The following PTPRN2 variants were observed in gnomAD, a reference collection of about 807,000 sequenced individuals.
The protein encoded by PTPRN2 is receptor-type tyrosine-protein phosphatase N2.
In PTPRN2, 74 loss-of-function variants were observed where a neutral mutation model predicts 118.8. The observed-to-expected ratio is 0.62, with a 90% CI of 0.52 to 0.76. The LOEUF is 0.76. Among genes scored for constraint, PTPRN2 ranks in the 30% least tolerant of loss-of-function variants. The pLI, the probability that PTPRN2 is intolerant of heterozygous loss-of-function variation, is 0.00. For missense variants in PTPRN2, 1,481 were observed against 1,394.4 expected (o/e 1.06, Z -0.99); for synonymous variants, 641 against 608.0 (o/e 1.05, Z -0.80).
rs1010379991 is a variant in PTPRN2 at position 157,540,688 on chromosome 7, T to TCCCCTGAGG, written c.*17_*25dup. ...CTGACAACATCCGTGGGGTGGGGGC[T>TCCCCTGAGG]CCCCTGAGGCCCCTGAGGCTGCCGC... On this transcript the variant is annotated 3_prime_UTR_variant, in exon 23 of 23. Coordinates refer to ENST00000389418, the MANE Select transcript of PTPRN2 (RefSeq NM_002847.5). The TCCCCTGAGG allele has an allele frequency of 8.6e-6, 13 of 1,508,890 alleles. No homozygotes were observed. The highest frequency in any genetic ancestry group is 6.0e-5 in the South Asian group (5 of 82,904). The allele number at this position is 1,508,890 out of a possible 1,614,324, so 93.5% of individuals were successfully genotyped here. A position where few individuals can be genotyped will look rare whatever the true frequency, so the allele number is the denominator to read the frequency against.
At chr7:157,846,606 T>C (rs1290789957) in intron 12 of PTPRN2, among the ~76,000 whole-genome samples, 1 of 152,244 alleles carries the variant, frequency 6.6e-6, no homozygotes, top group African/African-American at 2.4e-5. Flanking sequence ...AATCGTGTCA[T>C]GGATCATCAT....
In PTPRN2 at chr7:158,316,884, C is replaced by A; in HGVS notation, c.212G>T (p.Arg71Leu). Residue 71 changes from arginine to leucine, a missense_variant, in exon 3 of 23, where the codon CGC (arginine) becomes CTC (leucine). This residue lies in a region of PTPRN2 where 1,115 missense variants were observed against 994.2 expected (regional missense o/e 1.12). Coordinates refer to ENST00000389418, the MANE Select transcript of PTPRN2 (RefSeq NM_002847.5). ...CAGGGCCACGGGCGACACCTCGTAG[C>A]GGTAAAAGTCCATTGCCGGAACCTT... The part of the protein sequence containing the change: ...CQKVPAMDFY[R>L]YEVSPVALQR... 1 of 1,612,578 alleles carries A rather than the reference C, an allele frequency of 6.2e-7. No homozygotes were observed. Among genetic ancestry groups the A allele is most frequent in the East Asian group, 2.2e-5 (1 of 44,878 alleles).
At chr7:157,870,975 C>T (rs1393211639) in intron 12 of PTPRN2, among the ~76,000 whole-genome samples, 1 of 152,230 alleles carries the variant, frequency 6.6e-6, no homozygotes, top group Non-Finnish European at 1.5e-5. Flanking sequence ...ATTGGATGGC[C>T]TGGCTCAGAG....
chr7:158,498,319 T>C (rs996979991), intron 1 of PTPRN2, among the ~76,000 whole-genome samples: 1 of 152,246 alleles, frequency 6.6e-6, no homozygotes, highest in Admixed American at 6.5e-5. Context: ...CTTTGATTAA[T>C]TTCCTTATTT....
At chr7:157,754,276 C>T (rs1038038676) in intron 12 of PTPRN2, among the ~76,000 whole-genome samples, 14 of 152,228 alleles carry the variant, frequency 9.2e-5, no homozygotes, top group Admixed American at 7.9e-4. Context: ...TGTGGACTCA[C>T]GAGCCGTCAG....
chr7:157,572,875 G>A (rs769669161), intron 19 of PTPRN2, among the ~76,000 whole-genome samples: 2 of 152,260 alleles, frequency 1.3e-5, no homozygotes, highest in South Asian at 2.1e-4. Context: ...CTCCAGGGCC[G>A]TGTCACCGTT....
Position 157,789,551 on chromosome 7 carries a change from C to T in PTPRN2, c.1789-106614G>A, listed in dbSNP as rs373839436. Among the ~76,000 whole-genome samples, 10 of 152,346 alleles carry T rather than the reference C, an allele frequency of 6.6e-5. No homozygotes were observed. In the Middle Eastern group the frequency reaches 0.01, roughly 155 times the overall value. ...TCTCTTCAAAAGTGTTACCTGACAA[C>T]AAGGGAATTCAGCCACACACCAGGT... On this transcript the variant is annotated intron_variant, in intron 12 of 22. Coordinates refer to ENST00000389418, the MANE Select transcript of PTPRN2 (RefSeq NM_002847.5).
chr7:157,833,447 G>A (rs978836736), intron 12 of PTPRN2, among the ~76,000 whole-genome samples: 3 of 149,066 alleles, frequency 2.0e-5, no homozygotes, highest in South Asian at 2.1e-4. Flanking sequence ...GGAGCGAGAT[G>A]TGGCCGGTGC....
Position 158,557,152 on chromosome 7 carries a change from G to A in PTPRN2, c.112+30406C>T, listed in dbSNP as rs1325144788. On this transcript the variant is annotated intron_variant, in intron 1 of 22. Coordinates refer to ENST00000389418, the MANE Select transcript of PTPRN2 (RefSeq NM_002847.5). ...GGGCAGGCGGCTCCCGGGCAGGGCAGGCGGCTCCCACGCAGGTCAGGCGGC... is the reference window on the plus strand; with the variant it reads ...GGGCAGGCGGCTCCCGGGCAGGGCAAGCGGCTCCCACGCAGGTCAGGCGGC... Among the ~76,000 whole-genome samples the A allele has an allele frequency of 6.3e-4, 90 of 143,828 alleles. 1 individual carries two copies. The highest frequency in any genetic ancestry group is 1.4e-4 in the Non-Finnish European group (9 of 66,196). The allele number at this position is 143,828 out of a possible 152,430, so 94.4% of individuals were successfully genotyped here. A position where few individuals can be genotyped will look rare whatever the true frequency, so the allele number is the denominator to read the frequency against.
intron 2 of PTPRN2, among the ~76,000 whole-genome samples, chr7:158,489,523 C>T (rs1563351318): frequency 1.3e-5 from 2 of 152,204 alleles, no homozygotes; most frequent in Admixed American, 1.3e-4. Context: ...AGGGTTGGTG[C>T]GAGCGATGGG....
intron 12 of PTPRN2, among the ~76,000 whole-genome samples, chr7:157,872,454 C>A (rs545429558): frequency 2.7e-4 from 40 of 149,448 alleles, no homozygotes; most frequent in Non-Finnish European, 5.5e-4. Context: ...CCTCCCCACA[C>A]ACGCATATCC....
intron 12 of PTPRN2, among the ~76,000 whole-genome samples, chr7:157,850,786 G>A (rs990745895): frequency 2.6e-4 from 40 of 152,336 alleles, no homozygotes; most frequent in African/African-American, 7.9e-4. Flanking sequence ...AAGCGGCCAC[G>A]GTAGAGTTGA....
rs148436362 is a variant in PTPRN2 at position 158,275,404 on chromosome 7, C to T, written c.277+41415G>A. Among the ~76,000 whole-genome samples the T allele has an allele frequency of 6.4e-3, 971 of 152,214 alleles. 9 individuals are homozygous for T. The highest frequency in any genetic ancestry group is 0.022 in the African/African-American group (920 of 41,536). ...TGTTTTTTCTACATTGCCTAGAGTT[C>T]GGCTATTTTTCTCTTCCCAAAGAGC... On this transcript the variant is annotated intron_variant, in intron 3 of 22. Transcript: ENST00000389418.
chr7:157,708,666 C>T (rs1010545140), intron 12 of PTPRN2, among the ~76,000 whole-genome samples: 11 of 152,130 alleles, frequency 7.2e-5, no homozygotes, highest in South Asian at 4.1e-4. Flanking sequence ...TAGTCACAAG[C>T]GGCTCCCTGC....
chr7:157,750,915 G>A (rs1236074079), intron 12 of PTPRN2, among the ~76,000 whole-genome samples: 6 of 152,326 alleles, frequency 3.9e-5, no homozygotes, highest in South Asian at 2.1e-4. Context: ...CGGCACCATC[G>A]GCCGATCTTC....
intron 17 of PTPRN2, among the ~76,000 whole-genome samples, chr7:157,594,817 A>G (rs765913331): frequency 1.3e-5 from 2 of 152,168 alleles, no homozygotes; most frequent in Non-Finnish European, 2.9e-5. Flanking sequence ...CGTCGAGTAG[A>G]GAAGCACGGC....
intron 6 of PTPRN2, among the ~76,000 whole-genome samples, chr7:158,144,747 C>T (rs1398184871): frequency 6.6e-6 from 1 of 152,222 alleles, no homozygotes; most frequent in East Asian, 1.9e-4. Context: ...AGGGAAGAGG[C>T]TGCGGTCTGT....
intron 2 of PTPRN2, among the ~76,000 whole-genome samples, chr7:158,341,269 C>A (rs1283998738): frequency 6.6e-6 from 1 of 151,820 alleles, no homozygotes; most frequent in African/African-American, 2.4e-5. Context: ...GTCATTCACA[C>A]CCACACTCTC....
In PTPRN2 at chr7:157,671,183, G is replaced by A. The variant is rs2530412; in HGVS notation, c.2001+11542C>T. 0.62 allele frequency among the ~76,000 whole-genome samples: 93,411 copies of A among 151,250 alleles called. 28,982 individuals are homozygous for A. Among genetic ancestry groups the A allele is most frequent in the East Asian group, 0.68 (3,486 of 5,116 alleles). On this transcript the variant is annotated intron_variant, in intron 13 of 22. Transcript: ENST00000389418. This position sits in a 1 kb window ranked among gnomAD's most constrained non-coding sequence, Gnocchi z 4.1. ...CAATGTATCGATTCATTCTTATCGA[G>A]CATGTAAAGGTCCCCGGTGGGTGCT...
Sources: allele counts gnomAD v4.1 joint callset (sites outside exome capture counted in the v4.1 genomes callset), GRCh38; gene constraint gnomAD v4.1.1; regional missense constraint gnomAD v4.1.1; non-coding constraint Gnocchi (gnomAD v3.1); transcripts MANE v1.5; gene names NCBI Gene and HGNC (gene_info 2026-07-23, HGNC 2026-07-21).